The following APCDD1L variants were observed in gnomAD, a reference collection of about 807,000 sequenced individuals.
APCDD1L encodes protein APCDD1-like.
Under a neutral mutation model 24.2 loss-of-function variants are expected in APCDD1L, and 21 were observed. The ratio of observed to expected loss-of-function variants is 0.87; its 90% CI spans 0.61 to 1.25. The LOEUF is 1.25. APCDD1L is among the 50% of genes most tolerant of loss of function. APCDD1L has a pLI of 0.00. For synonymous variants in APCDD1L, 321 were observed against 323.6 expected, an observed-to-expected ratio of 0.99 and a Z score of 0.09; for missense variants, 704 against 711.7, an observed-to-expected ratio of 0.99 and a Z score of 0.12.
chr20:58,490,194 A>G (rs774428913), intron 1 of APCDD1L, among the ~76,000 whole-genome samples: 13 of 152,230 alleles, frequency 8.5e-5, no homozygotes, highest in Admixed American at 2.0e-4. Context: ...TTTCAGCTTA[A>G]CAACTCATTA....
chr20:58,510,717 G>T (rs905919352), intron 1 of APCDD1L, among the ~76,000 whole-genome samples: 3 of 152,214 alleles, frequency 2.0e-5, no homozygotes, highest in Admixed American at 6.5e-5. Context: ...ATTGATGATG[G>T]TAGCACTGGC....
chr20:58,467,046 C>T lies in APCDD1L; in HGVS notation c.741+60G>A, dbSNP rs1011145094. Reference sequence around the variant, plus strand: ...TCTTGCAAAGCTGCGGGGCTGGGTTCCGAGCTCGCCTCCCCGAGACCACCA... The same window carrying T: ...TCTTGCAAAGCTGCGGGGCTGGGTTTCGAGCTCGCCTCCCCGAGACCACCA... On this transcript the variant is annotated intron_variant, in intron 3 of 3. Transcript: ENST00000371149. The surrounding 1 kb of genome is among the most constrained non-coding windows in gnomAD (Gnocchi z 5.9). 4.3e-5 allele frequency: 65 copies of T among 1,525,524 alleles called. No individual in the cohort carries two copies. Among genetic ancestry groups the T allele is most frequent in the African/African-American group, 5.6e-5 (4 of 70,982 alleles). The allele number at this position is 1,525,524 out of a possible 1,614,324, so 94.5% of individuals were successfully genotyped here.
chr20:58,511,655 T>C (rs766980904), intron 1 of APCDD1L, among the ~76,000 whole-genome samples: 20 of 152,344 alleles, frequency 1.3e-4, no homozygotes, highest in African/African-American at 2.9e-4. Context: ...GAAGTCTCCA[T>C]TGATAATTTT....
chr20:58,461,112 G>T lies in APCDD1L; in HGVS notation c.1184C>A (p.Ala395Asp). 1 of 1,613,914 alleles carries T rather than the reference G, an allele frequency of 6.2e-7. No homozygotes were observed. Among genetic ancestry groups the T allele is most frequent in the Non-Finnish European group, 8.5e-7 (1 of 1,179,960 alleles). The change falls in exon 4 of 4, where the codon GCC (alanine) becomes GAC (aspartate). Residue 395 changes from alanine (A) to aspartate (D), a missense_variant. Coordinates refer to ENST00000371149, the MANE Select transcript of APCDD1L (RefSeq NM_153360.3). This position sits in a 1 kb window ranked among gnomAD's most constrained non-coding sequence, Gnocchi z 6.0. The part of the protein sequence containing the change: ...WSMGTERDVT[A>D]TNGCLPLGIR... Reference sequence around the variant, plus strand: ...GCCCAGCGGTAGGCAGCCGTTGGTGGCTGTGACATCCCGCTCAGTGCCCAT... The same window carrying T: ...GCCCAGCGGTAGGCAGCCGTTGGTGTCTGTGACATCCCGCTCAGTGCCCAT...
chr20:58,493,728 G>C (rs1244762342), intron 1 of APCDD1L, among the ~76,000 whole-genome samples: 2 of 152,176 alleles, frequency 1.3e-5, no homozygotes, highest in Non-Finnish European at 2.9e-5. Context: ...ACAAAATTCA[G>C]AAAGGGAGAA....
At chr20:58,512,022 A>G (rs911123994) in intron 1 of APCDD1L, among the ~76,000 whole-genome samples, 3 of 152,360 alleles carry the variant, frequency 2.0e-5, no homozygotes, top group Non-Finnish European at 2.9e-5. Context: ...GTGAACCAAC[A>G]CTGGCAGCTG....
At chr20:58,498,262 C>T (rs779781224) in intron 1 of APCDD1L, among the ~76,000 whole-genome samples, 20 of 152,124 alleles carry the variant, frequency 1.3e-4, no homozygotes, top group Admixed American at 2.0e-4. Context: ...GCTTCAAAAG[C>T]GTCTTGCTAA....
At chr20:58,488,311 C>T (rs965899080) in intron 1 of APCDD1L, among the ~76,000 whole-genome samples, 1 of 152,126 alleles carries the variant, frequency 6.6e-6, no homozygotes, top group Non-Finnish European at 1.5e-5. Context: ...CTGAGACACC[C>T]ACTGGGGGTC....
At chr20:58,491,409 G>A (rs1990223243) in intron 1 of APCDD1L, among the ~76,000 whole-genome samples, 1 of 152,130 alleles carries the variant, frequency 6.6e-6, no homozygotes, top group Non-Finnish European at 1.5e-5. Context: ...TAGAAAGATG[G>A]CTGGATAAAA....
intron 2 of APCDD1L, 84 bp downstream of exon 2, chr20:58,470,525 C>T: frequency 1.4e-6 from 2 of 1,462,608 alleles, no homozygotes; most frequent in Non-Finnish European, 1.8e-6. Flanking sequence ...TGAATTATGC[C>T]CATTTCAAAG....
intron 1 of APCDD1L, among the ~76,000 whole-genome samples, chr20:58,481,039 CCAATGCTGTCCA>C (rs1242918474): frequency 1.3e-5 from 2 of 152,220 alleles, no homozygotes; most frequent in Admixed American, 6.5e-5. Flanking sequence ...CCAAACTTGG[CCAATGCTGTCCA>C]CTGATGCCAA....
intron 1 of APCDD1L, among the ~76,000 whole-genome samples, chr20:58,512,128 G>T (rs116260661): frequency 1.6e-3 from 239 of 152,314 alleles, no homozygotes; most frequent in African/African-American, 5.5e-3. Context: ...TCCTGCGGCC[G>T]CCATGCGGAC....
At chr20:58,463,906 G>GGGGGGGC in intron 3 of APCDD1L, among the ~76,000 whole-genome samples, 3 of 105,080 alleles carry the variant, frequency 2.9e-5, no homozygotes, top group Admixed American at 1.9e-4. Flanking sequence ...GGGGGGGGGG[G>GGGGGGGC]CGTCACATTT....
At chr20:58,500,948 C>T (rs535216829) in intron 1 of APCDD1L, among the ~76,000 whole-genome samples, 5 of 152,318 alleles carry the variant, frequency 3.3e-5, no homozygotes, top group African/African-American at 1.2e-4. Flanking sequence ...TCAATCCTGG[C>T]CACTGCTACC....
chr20:58,489,573 A>G (rs1309157752), intron 1 of APCDD1L, among the ~76,000 whole-genome samples: 1 of 151,538 alleles, frequency 6.6e-6, no homozygotes, highest in Non-Finnish European at 1.5e-5. Flanking sequence ...AATCCCAGCT[A>G]CTTTGGAGGC....
intron 1 of APCDD1L, among the ~76,000 whole-genome samples, chr20:58,510,980 T>G: frequency 6.6e-6 from 1 of 152,302 alleles, no homozygotes; most frequent in African/African-American, 2.4e-5. Context: ...TCCCCAGGTC[T>G]GGAGACTTTA....
rs17546020 is a variant in APCDD1L, at chr20:58,507,816, C to T, written c.49+6843G>A. On this transcript the variant is annotated intron_variant, in intron 1 of 3. Transcript: ENST00000371149. ...TCAATAAGAAAAATGGTTTGAATCT[C>T]CCATATGATGACAGCACAAACATGT... Among the ~76,000 whole-genome samples the T allele has an allele frequency of 7.3e-3, 1,110 of 152,314 alleles. 9 individuals are homozygous for T. Among genetic ancestry groups the T allele is most frequent in the Middle Eastern group, 0.017 (5 of 294 alleles).
Position 58,497,181 on chromosome 20 carries a change from G to A in APCDD1L, c.49+17478C>T, listed in dbSNP as rs923796449. 6.6e-6 allele frequency among the ~76,000 whole-genome samples: 1 copy of A among 151,734 alleles called. No individual in the cohort carries two copies. Among genetic ancestry groups the A allele is most frequent in the Non-Finnish European group, 1.5e-5 (1 of 67,924 alleles). Reference sequence around the variant, plus strand: ...GGGGGTTGGCGGGAGTATGGGAGCTGGTGAAAGGGGCCTCCTGGGGGTGAG... The same window carrying A: ...GGGGGTTGGCGGGAGTATGGGAGCTAGTGAAAGGGGCCTCCTGGGGGTGAG... On this transcript the variant is annotated intron_variant, in intron 1 of 3. Transcript: ENST00000371149. The surrounding 1 kb of genome is among the most constrained non-coding windows in gnomAD (Gnocchi z 4.3).
chr20:58,493,309 T>C (rs1456392898), intron 1 of APCDD1L, among the ~76,000 whole-genome samples: 1 of 152,348 alleles, frequency 6.6e-6, no homozygotes, highest in South Asian at 2.1e-4. Flanking sequence ...AGACACTGGT[T>C]GGGCCCCACT....
Sources: allele counts gnomAD v4.1 joint callset (sites outside exome capture counted in the v4.1 genomes callset), GRCh38; gene constraint gnomAD v4.1.1; non-coding constraint Gnocchi (gnomAD v3.1); transcripts MANE v1.5; gene names NCBI Gene and HGNC (gene_info 2026-07-23, HGNC 2026-07-21).